Variants in MPP7 observed in about 807,000 individuals in gnomAD.
MPP7 encodes the protein MAGUK p55 subfamily member 7.
Under a neutral mutation model 76.5 loss-of-function variants are expected in MPP7, and 60 were observed. The ratio of observed to expected loss-of-function variants is 0.78; its 90% confidence interval spans 0.64 to 0.97. The LOEUF is 0.97. Among genes scored for constraint, MPP7 ranks in the 50% least tolerant of loss-of-function variants. The pLI, the probability that MPP7 is intolerant of heterozygous loss-of-function variation, is 0.00. For synonymous variants in MPP7, 237 were observed against 244.5 expected (o/e 0.97, Z 0.29); for missense variants, 641 against 694.0 (o/e 0.92, Z 0.86).
intron 16 of MPP7, among the ~76,000 whole-genome samples, chr10:28,054,636 T>C (rs1366272801): frequency 6.6e-6 from 1 of 152,196 alleles, no homozygotes; most frequent in Non-Finnish European, 1.5e-5. Context: ...ATAAACTCCT[T>C]TTTCAGAGTT....
chr10:28,095,222 T>TATATATATATACAC (rs775763967), intron 11 of MPP7, among the ~76,000 whole-genome samples: 2 of 136,670 alleles, frequency 1.5e-5, no homozygotes, highest in East Asian at 2.3e-4. Context: ...TATATATATA[T>TATATATATATACAC]ACAGAAACAT....
chr10:28,072,259 G>A (rs942811010), intron 12 of MPP7, among the ~76,000 whole-genome samples: 1 of 152,116 alleles, frequency 6.6e-6, no homozygotes, highest in Non-Finnish European at 1.5e-5. Flanking sequence ...GGGCGACAGA[G>A]CGAGACTCTG....
intron 1 of MPP7, among the ~76,000 whole-genome samples, chr10:28,259,339 G>A (rs979853887): frequency 2.3e-4 from 35 of 152,290 alleles, no homozygotes; most frequent in African/African-American, 7.7e-4. Flanking sequence ...ACCACTTTGG[G>A]AGGTCTAGGC....
intron 11 of MPP7, among the ~76,000 whole-genome samples, chr10:28,112,069 T>C (rs1162724657): frequency 1.3e-5 from 2 of 152,186 alleles, no homozygotes; most frequent in African/African-American, 2.4e-5. Context: ...TTAGCAAATA[T>C]CACAAGCAAA....
chr10:28,062,316 A>G (rs1030883060), intron 13 of MPP7, among the ~76,000 whole-genome samples: 1 of 152,202 alleles, frequency 6.6e-6, no homozygotes. Flanking sequence ...ATGAATGGTT[A>G]GATATGCATA....
chr10:28,244,412 G>T (rs1839366778), intron 1 of MPP7, among the ~76,000 whole-genome samples: 1 of 151,988 alleles, frequency 6.6e-6, no homozygotes, highest in Admixed American at 6.6e-5. Context: ...TATACATAAA[G>T]AATTTAAAAA....
intron 3 of MPP7, among the ~76,000 whole-genome samples, chr10:28,195,456 T>A (rs1588908801): frequency 6.6e-6 from 1 of 152,196 alleles, no homozygotes; most frequent in Non-Finnish European, 1.5e-5. Context: ...CTTAGTAGCA[T>A]CACCATAACA....
At chr10:28,120,787 T>C (rs1168667394) in intron 8 of MPP7, 119 bp from the exon 9 acceptor site, 5 of 666,950 alleles carry the variant, frequency 7.5e-6, no homozygotes, top group Non-Finnish European at 1.3e-5. Context: ...TACTCTTAGA[T>C]AGACTAAACG....
intron 3 of MPP7, among the ~76,000 whole-genome samples, chr10:28,193,208 GTTTT>G (rs1564691376): frequency 7.1e-6 from 1 of 140,546 alleles, no homozygotes; most frequent in African/African-American, 2.9e-5. Flanking sequence ...TGTTTGGTTG[GTTTT>G]TTGTTTTTTT....
intron 3 of MPP7, among the ~76,000 whole-genome samples, chr10:28,195,111 A>G (rs551274013): frequency 6.6e-6 from 1 of 152,354 alleles, no homozygotes; most frequent in African/African-American, 2.4e-5. Context: ...CAAAGAAGAC[A>G]TACAAATAGC....
At chr10:28,169,834 C>T (rs12414929) in intron 3 of MPP7, among the ~76,000 whole-genome samples, 20,207 of 152,042 alleles carry the variant, frequency 0.13, 2,039 homozygotes, top group African/African-American at 0.28. Flanking sequence ...TGTAGATTCC[C>T]GTTGGGTTTT....
intron 3 of MPP7, among the ~76,000 whole-genome samples, chr10:28,189,644 C>T (rs555050871): frequency 1.5e-3 from 70 of 47,604 alleles, no homozygotes; most frequent in African/African-American, 6.3e-3. Context: ...AGGGCAAGCA[C>T]ACATAGAAAA....
intron 1 of MPP7, chr10:28,282,043 T>C (rs1840690249): frequency 2.0e-5 from 3 of 152,072 alleles, no homozygotes; most frequent in African/African-American, 7.3e-5. Flanking sequence ...CTTTTGGCCT[T>C]GGAGAAGCTA....
intron 5 of MPP7, among the ~76,000 whole-genome samples, chr10:28,147,173 G>A (rs1835736497): frequency 6.6e-6 from 1 of 152,070 alleles, no homozygotes. Flanking sequence ...CAAGTAAAAT[G>A]GACCTAAACA....
At chr10:28,235,257 G>T (rs1442104670) in intron 2 of MPP7, among the ~76,000 whole-genome samples, 1 of 152,092 alleles carries the variant, frequency 6.6e-6, no homozygotes, top group Non-Finnish European at 1.5e-5. Flanking sequence ...ACAGATTTTA[G>T]TTAATAATAA....
chr10:28,270,169 G>T (rs1840276409), intron 1 of MPP7, among the ~76,000 whole-genome samples: 1 of 152,124 alleles, frequency 6.6e-6, no homozygotes, highest in African/African-American at 2.4e-5. Context: ...ATGATGAGGT[G>T]TTTGACACAG....
At chr10:28,159,972 G>A (rs1836202545) in intron 3 of MPP7, among the ~76,000 whole-genome samples, 1 of 152,098 alleles carries the variant, frequency 6.6e-6, no homozygotes, top group Non-Finnish European at 1.5e-5. Context: ...AAGTTTTTAA[G>A]TACTAGAAAG....
chr10:28,090,835 GTGACACATA>G (rs1192973199), intron 11 of MPP7, among the ~76,000 whole-genome samples: 3 of 152,130 alleles, frequency 2.0e-5, no homozygotes, highest in Non-Finnish European at 4.4e-5. Flanking sequence ...CTTTCATAAT[GTGACACATA>G]TGAAATTAAG....
intron 11 of MPP7, among the ~76,000 whole-genome samples, chr10:28,112,260 T>C (rs996205311): frequency 6.6e-6 from 1 of 152,204 alleles, no homozygotes; most frequent in Non-Finnish European, 1.5e-5. Flanking sequence ...ATGGGTCACT[T>C]TGAAATCTCA....
Sources: gnomAD v4.1 joint callset for allele counts (sites outside exome capture counted in the v4.1 genomes callset) on GRCh38, gnomAD v4.1.1 for gene constraint, MANE v1.5 for transcripts, NCBI Gene and HGNC (gene_info 2026-07-23, HGNC 2026-07-21) for gene names.